The following SPAG16 variants were observed in gnomAD, a reference collection of about 807,000 sequenced individuals.
SPAG16 encodes sperm associated antigen 16, also known as sperm-associated antigen 16 protein.
A neutral mutation model predicts 80.4 loss-of-function variants in SPAG16; 86 were observed. That is an observed-to-expected ratio of 1.07 (90% CI 0.90 to 1.28). The LOEUF is 1.28. SPAG16 is among the 50% of genes most tolerant of loss of function. The probability of loss-of-function intolerance (pLI) is 0.00; values close to 1 mark genes in which losing one functional copy is unlikely to be tolerated. For synonymous variants in SPAG16, 294 were observed against 265.9 expected (o/e 1.11, Z -1.03); for missense variants, 870 against 765.3 (o/e 1.14, Z -1.61).
chr2:213,418,747 A>T (rs1480360547), intron 9 of SPAG16, among the ~76,000 whole-genome samples: 2 of 152,152 alleles, frequency 1.3e-5, no homozygotes, highest in Non-Finnish European at 2.9e-5. Context: ...GTTTACTTTT[A>T]TGAATGGCTC....
intron 9 of SPAG16, among the ~76,000 whole-genome samples, chr2:213,416,892 A>G (rs530581127): frequency 6.6e-6 from 1 of 152,366 alleles, no homozygotes; most frequent in African/African-American, 2.4e-5. Flanking sequence ...GGATTAGGCC[A>G]GAGCCTTTAC....
At chr2:214,372,388 A>G (rs1184412901) in intron 15 of SPAG16, among the ~76,000 whole-genome samples, 4 of 152,230 alleles carry the variant, frequency 2.6e-5, no homozygotes, top group Admixed American at 6.5e-5. Flanking sequence ...AATTTAAACA[A>G]GATCAGACTT....
At chr2:213,459,594 A>G (rs2072241210) in intron 9 of SPAG16, among the ~76,000 whole-genome samples, 1 of 152,076 alleles carries the variant, frequency 6.6e-6, no homozygotes, top group Non-Finnish European at 1.5e-5. Flanking sequence ...ACTGGAACCC[A>G]TTTCTTGGAA....
intron 15 of SPAG16, among the ~76,000 whole-genome samples, chr2:214,231,428 T>C (rs1688695256): frequency 1.3e-5 from 2 of 151,938 alleles, no homozygotes; most frequent in Non-Finnish European, 2.9e-5. Context: ...GATTTAGAAA[T>C]GAGGCAAAAA....
intron 15 of SPAG16, among the ~76,000 whole-genome samples, chr2:214,279,829 C>G (rs1336823477): frequency 1.3e-5 from 2 of 152,214 alleles, no homozygotes; most frequent in East Asian, 3.9e-4. Context: ...ATTTCTCTAA[C>G]TAAAACAGGA....
rs114281046 is a variant in SPAG16 at position 214,074,589 on chromosome 2, C to G, written c.1528-33607C>G. 2.6e-3 allele frequency among the ~76,000 whole-genome samples: 390 copies of G among 152,012 alleles called. 3 individuals carry two copies. The highest frequency in any genetic ancestry group is 8.9e-3 in the African/African-American group (370 of 41,474). On this transcript the variant is annotated intron_variant, in intron 13 of 15. Transcript: ENST00000331683. ...TTTCAATTATCAAAATCAAGAAATT[C>G]CATTCATTAACGCCATTATGAACTG...
In SPAG16 at chr2:214,275,416, T is replaced by C. The variant is rs1692389503; in HGVS notation, c.1720+126150T>C. Among the ~76,000 whole-genome samples the C allele has an allele frequency of 2.0e-5, 3 of 152,212 alleles. No homozygotes were observed. The South Asian group carries it at 6.2e-4, about 31-fold the overall frequency. On this transcript the variant is annotated intron_variant, in intron 15 of 15. Transcript: ENST00000331683. ...GGTGCCAATTTTAGATCTTTCCTGC[T>C]TTTGTGGGCATTTAGTGCTATAAAC...
chr2:213,545,042 TG>T (rs991325056), intron 10 of SPAG16, among the ~76,000 whole-genome samples: 1 of 152,122 alleles, frequency 6.6e-6, no homozygotes, highest in African/African-American at 2.4e-5. Context: ...CTGGATTGTA[TG>T]GTAAGAAATT....
intron 10 of SPAG16, among the ~76,000 whole-genome samples, chr2:213,658,599 G>GTAGT (rs2063306649): frequency 6.6e-6 from 1 of 152,182 alleles, no homozygotes; most frequent in African/African-American, 2.4e-5. Context: ...GGCAACTGAG[G>GTAGT]TAGTGAAAGG....
At chr2:213,617,977 C>G (rs1373105452) in intron 10 of SPAG16, among the ~76,000 whole-genome samples, 2 of 152,144 alleles carry the variant, frequency 1.3e-5, no homozygotes, top group African/African-American at 2.4e-5. Flanking sequence ...TTCCCCTACA[C>G]TCACCTCAAA....
intron 9 of SPAG16, among the ~76,000 whole-genome samples, chr2:213,380,688 A>G (rs918720355): frequency 4.6e-5 from 7 of 152,154 alleles, no homozygotes; most frequent in Non-Finnish European, 1.5e-5. Flanking sequence ...CTGTCTCTCA[A>G]AAGGAGAGTA....
At chr2:213,985,273 T>C (rs1297418384) in intron 12 of SPAG16, among the ~76,000 whole-genome samples, 1 of 152,120 alleles carries the variant, frequency 6.6e-6, no homozygotes, top group Non-Finnish European at 1.5e-5. Context: ...AAAATTTCTT[T>C]TGTAATAAAT....
chr2:213,303,646 CCTGA>C (rs1431784484), intron 3 of SPAG16, among the ~76,000 whole-genome samples: 3 of 152,056 alleles, frequency 2.0e-5, no homozygotes, highest in African/African-American at 7.2e-5. Flanking sequence ...TCTTTCTGTG[CCTGA>C]CTTATTCCAC....
intron 15 of SPAG16, among the ~76,000 whole-genome samples, chr2:214,333,596 T>C (rs528949928): frequency 6.6e-6 from 1 of 152,326 alleles, no homozygotes; most frequent in African/African-American, 2.4e-5. Flanking sequence ...GGAACATTTC[T>C]CAACACTTTG....
At chr2:213,326,872 C>T (rs2063864700) in intron 5 of SPAG16, among the ~76,000 whole-genome samples, 1 of 151,884 alleles carries the variant, frequency 6.6e-6, no homozygotes, top group Non-Finnish European at 1.5e-5. Flanking sequence ...ATATTCACTT[C>T]AAAATATTTT....
At chr2:213,757,878 T>C (rs2068428877) in intron 10 of SPAG16, among the ~76,000 whole-genome samples, 2 of 152,018 alleles carry the variant, frequency 1.3e-5, no homozygotes, top group African/African-American at 4.8e-5. Flanking sequence ...TGAGTGGTTA[T>C]TGTTGCACCT....
intron 15 of SPAG16, among the ~76,000 whole-genome samples, chr2:214,167,014 A>G (rs1231208595): frequency 1.3e-5 from 2 of 152,170 alleles, no homozygotes; most frequent in Admixed American, 1.3e-4. Flanking sequence ...GAAAGAGAGG[A>G]GGAGAAGGGC....
intron 8 of SPAG16, among the ~76,000 whole-genome samples, chr2:213,373,919 A>G (rs1426092862): frequency 2.0e-5 from 3 of 152,202 alleles, no homozygotes; most frequent in African/African-American, 7.2e-5. Context: ...AGGGGAAAAT[A>G]TAATAAAAGA....
At chr2:214,014,279 A>C (rs2047476148) in intron 13 of SPAG16, among the ~76,000 whole-genome samples, 1 of 152,204 alleles carries the variant, frequency 6.6e-6, no homozygotes, top group Non-Finnish European at 1.5e-5. Context: ...TAAAAATAAT[A>C]TGATTATCTC....
Sources: gnomAD v4.1 joint callset for allele counts (sites outside exome capture counted in the v4.1 genomes callset) on GRCh38, gnomAD v4.1.1 for gene constraint, MANE v1.5 for transcripts, NCBI Gene and HGNC (gene_info 2026-07-23, HGNC 2026-07-21) for gene names.